ZRANB3: variants seen among roughly 807,000 people sequenced by gnomAD.
ZRANB3 encodes the protein DNA annealing helicase and endonuclease ZRANB3.
A neutral mutation model predicts 133.8 loss-of-function variants in ZRANB3; 125 were observed. That is an observed-to-expected ratio of 0.93 (90% CI 0.81 to 1.08). The LOEUF (loss-of-function observed/expected upper bound fraction) is 1.08. Ranked by LOEUF, ZRANB3 falls within the 50% of genes least tolerant of loss-of-function variation. ZRANB3 has a pLI of 0.00. For missense variants in ZRANB3, 1,229 were observed against 1,275.5 expected (o/e 0.96, Z 0.56); for synonymous variants, 387 against 432.7 (o/e 0.89, Z 1.31).
chr2:135,359,307 G>A (rs1685570734), intron 3 of ZRANB3, among the ~76,000 whole-genome samples: 1 of 151,996 alleles, frequency 6.6e-6, no homozygotes, highest in Admixed American at 6.6e-5. Flanking sequence ...TTCTTGGTTG[G>A]GTACAGTAGA....
At chr2:135,388,408 A>G (rs1687076182) in intron 3 of ZRANB3, among the ~76,000 whole-genome samples, 1 of 152,220 alleles carries the variant, frequency 6.6e-6, no homozygotes, top group Non-Finnish European at 1.5e-5. Context: ...CATAGATTTA[A>G]GGTGCATCTA....
At chr2:135,339,298 C>T (rs910712367) in intron 6 of ZRANB3, among the ~76,000 whole-genome samples, 1 of 152,076 alleles carries the variant, frequency 6.6e-6, no homozygotes, top group Non-Finnish European at 1.5e-5. Flanking sequence ...GTAATCCCAG[C>T]TACTTGGGAG....
At chr2:135,326,356 A>G (rs1252785483) in intron 6 of ZRANB3, among the ~76,000 whole-genome samples, 1 of 152,176 alleles carries the variant, frequency 6.6e-6, no homozygotes, top group Non-Finnish European at 1.5e-5. Flanking sequence ...TCACCCAACC[A>G]TTTACTGCAT....
Position 135,504,369 on chromosome 2 carries a change from G to A in ZRANB3, c.121C>T (p.Gln41Ter), listed in dbSNP as rs766652329. Residue 41 changes from glutamine (Q) to a stop codon, truncating the protein, a stop_gained, in exon 2 of 21, where the codon CAG (glutamine) becomes TAG (stop). Coordinates refer to ENST00000264159, the MANE Select transcript of ZRANB3 (RefSeq NM_032143.4). LOFTEE classifies it high-confidence loss of function. The stretch of plus-strand genomic sequence containing the variant: ...AGGGCAAAAATGATGCCATCTTTCT[G>A]GAATGGAAGTAGCTTTGCTCTTAGT... ...DRLRAKLLPF[Q>*]KDGIIFALKR... 6.2e-7 allele frequency: 1 copy of A among 1,613,558 alleles called. No individual in the cohort carries two copies. Among genetic ancestry groups the A allele is most frequent in the Non-Finnish European group, 8.5e-7 (1 of 1,179,690 alleles).
chr2:135,530,875 G>A (rs933003220), intron 1 of ZRANB3: 15 of 152,290 alleles, frequency 9.8e-5, no homozygotes, highest in African/African-American at 3.1e-4. Flanking sequence ...GTGAACGGAG[G>A]AGAAGTTATG....
intron 2 of ZRANB3, among the ~76,000 whole-genome samples, chr2:135,434,963 C>CT (rs1011564207): frequency 4.8e-5 from 7 of 147,054 alleles, no homozygotes; most frequent in East Asian, 2.0e-4. Context: ...TCTTTTCTCT[C>CT]TTTTTTTTTT....
chr2:135,258,733 A>G (rs1452654833), intron 12 of ZRANB3, among the ~76,000 whole-genome samples: 1 of 152,122 alleles, frequency 6.6e-6, no homozygotes, highest in African/African-American at 2.4e-5. Context: ...CCTAAAATAT[A>G]TATTAAATAA....
At chr2:135,258,820 G>A (rs1203437909) in intron 12 of ZRANB3, among the ~76,000 whole-genome samples, 1 of 152,148 alleles carries the variant, frequency 6.6e-6, no homozygotes, top group Non-Finnish European at 1.5e-5. Context: ...TTGGACAAGA[G>A]GGATTTAGAT....
intron 8 of ZRANB3, among the ~76,000 whole-genome samples, chr2:135,311,759 A>G (rs991822994): frequency 1.3e-5 from 2 of 152,068 alleles, no homozygotes; most frequent in African/African-American, 4.8e-5. Context: ...CTCAAAAAAA[A>G]TTTTTTTAAA....
chr2:135,450,735 C>A (rs556107206), intron 2 of ZRANB3, among the ~76,000 whole-genome samples: 1 of 152,264 alleles, frequency 6.6e-6, no homozygotes, highest in East Asian at 1.9e-4. Flanking sequence ...AAGACGTTAG[C>A]CTATGAAAGC....
chr2:135,518,684 T>C (rs999342439), intron 1 of ZRANB3, among the ~76,000 whole-genome samples: 2 of 151,988 alleles, frequency 1.3e-5, no homozygotes, highest in Non-Finnish European at 2.9e-5. Context: ...GAGCTGCAGA[T>C]TGGAACTGTT....
chr2:135,290,268 G>A (rs1458995792), intron 8 of ZRANB3, among the ~76,000 whole-genome samples: 1 of 152,078 alleles, frequency 6.6e-6, no homozygotes, highest in Non-Finnish European at 1.5e-5. Context: ...CAAAAGTTTG[G>A]GAGCTGCAGT....
intron 1 of ZRANB3, among the ~76,000 whole-genome samples, chr2:135,527,297 C>T (rs1309685798): frequency 6.6e-6 from 1 of 152,204 alleles, no homozygotes; most frequent in African/African-American, 2.4e-5. Context: ...CGGTGGCTCA[C>T]ACCTGTAATC....
At chr2:135,480,321 C>A (rs1691719044) in intron 2 of ZRANB3, among the ~76,000 whole-genome samples, 3 of 152,090 alleles carry the variant, frequency 2.0e-5, no homozygotes, top group South Asian at 2.1e-4. Context: ...AATAATTTAA[C>A]AAAGAATCTT....
chr2:135,464,104 A>C (rs1690881574), intron 2 of ZRANB3, among the ~76,000 whole-genome samples: 1 of 152,220 alleles, frequency 6.6e-6, no homozygotes, highest in Non-Finnish European at 1.5e-5. Context: ...CAATTTCAAC[A>C]GACAGGTAAG....
chr2:135,511,399 C>T (rs1693445896), intron 1 of ZRANB3: 1 of 806,028 alleles, frequency 1.2e-6, no homozygotes, highest in Non-Finnish European at 2.2e-6. Flanking sequence ...TCTTCCACGT[C>T]ATTACTGACA....
chr2:135,298,445 G>C (rs1198477838), intron 8 of ZRANB3, among the ~76,000 whole-genome samples: 1 of 152,090 alleles, frequency 6.6e-6, no homozygotes, highest in Non-Finnish European at 1.5e-5. Context: ...CATTTGGGTA[G>C]ACCATGTCAG....
intron 15 of ZRANB3, among the ~76,000 whole-genome samples, chr2:135,219,446 T>G (rs977672146): frequency 6.6e-6 from 1 of 152,240 alleles, no homozygotes; most frequent in African/African-American, 2.4e-5. Flanking sequence ...ATCCTTTGTT[T>G]ACTGCTGTGT....
At chr2:135,368,034 GCA>G (rs1400685350) in intron 3 of ZRANB3, among the ~76,000 whole-genome samples, 3 of 152,024 alleles carry the variant, frequency 2.0e-5, no homozygotes, top group East Asian at 3.8e-4. Flanking sequence ...ACTCAAAAGA[GCA>G]CAGTCTGTCA....
Sources: gnomAD v4.1 joint callset for allele counts (sites outside exome capture counted in the v4.1 genomes callset) on GRCh38, gnomAD v4.1.1 for gene constraint, MANE v1.5 for transcripts, NCBI Gene and HGNC (gene_info 2026-07-23, HGNC 2026-07-21) for gene names.